NRG1: variants seen among roughly 807,000 people sequenced by gnomAD.
The protein encoded by NRG1 is neuregulin 1, also known as pro-neuregulin-1, membrane-bound isoform.
NRG1 carries 18 observed loss-of-function variants against 63.8 expected under a neutral mutation model. That is an observed-to-expected ratio of 0.28 (90% CI 0.19 to 0.42). The LOEUF is 0.42. Among genes scored for constraint, NRG1 ranks in the 10% least tolerant of loss-of-function variants. The probability of loss-of-function intolerance (pLI) is 1.00; values close to 1 mark genes in which losing one functional copy is unlikely to be tolerated. For missense variants in NRG1, 762 were observed against 814.7 expected (o/e 0.94, Z 0.79); for synonymous variants, 302 against 301.3 (o/e 1.00, Z -0.02).
At chr8:31,937,608 G>A (rs2129620573) in intron 1 of NRG1, among the ~76,000 whole-genome samples, 1 of 152,272 alleles carries the variant, frequency 6.6e-6, no homozygotes. Context: ...GATGCTCATG[G>A]TATGGGGCAA....
At chr8:32,465,651 G>A (rs1822962521) in intron 1 of NRG1, among the ~76,000 whole-genome samples, 2 of 152,244 alleles carry the variant, frequency 1.3e-5, no homozygotes, top group South Asian at 2.1e-4. Context: ...TTATACTCTC[G>A]AATCCAGCAG....
intron 1 of NRG1, among the ~76,000 whole-genome samples, chr8:31,977,644 T>A (rs890383682): frequency 1.3e-5 from 2 of 152,104 alleles, no homozygotes; most frequent in Non-Finnish European, 2.9e-5. Flanking sequence ...AAATATTTAT[T>A]GTAATTTATA....
intron 1 of NRG1, among the ~76,000 whole-genome samples, chr8:32,419,645 T>C (rs994734648): frequency 5.9e-5 from 9 of 151,728 alleles, no homozygotes; most frequent in Non-Finnish European, 1.0e-4. Context: ...AAAACCATTC[T>C]TTTTTTGTTA....
rs1457540284 is a variant in NRG1 at position 31,782,542 on chromosome 8, T to C, written c.37+143111T>C. On this transcript the variant is annotated intron_variant, in intron 1 of 10. Transcript: ENST00000519301. ...ATGCCTGACATGTAATGGAACTCAA[T>C]AAATAATTGTTGAAATAATGAATGA... 2.6e-5 allele frequency among the ~76,000 whole-genome samples: 4 copies of C among 152,328 alleles called. No individual in the cohort carries two copies. In the South Asian group the frequency reaches 8.3e-4, roughly 32 times the overall value.
chr8:31,818,786 G>A (rs1376242774), intron 1 of NRG1, among the ~76,000 whole-genome samples: 9 of 152,120 alleles, frequency 5.9e-5, no homozygotes, highest in African/African-American at 1.9e-4. Context: ...GGCTGGGCGC[G>A]GTGGCTCACG....
intron 1 of NRG1, among the ~76,000 whole-genome samples, chr8:31,889,563 T>C (rs140170362): frequency 6.6e-6 from 1 of 152,266 alleles, no homozygotes; most frequent in African/African-American, 2.4e-5. Flanking sequence ...GGGCTCTGTG[T>C]TCTGGTTGGC....
At chr8:32,672,853 C>G (rs77063903) in intron 5 of NRG1, among the ~76,000 whole-genome samples, 2,574 of 152,166 alleles carry the variant, frequency 0.017, 74 homozygotes, top group African/African-American at 0.058. Flanking sequence ...AAAAACCTGA[C>G]AAAGTACTTA....
At chr8:31,828,664 T>G (rs1824813781) in intron 1 of NRG1, among the ~76,000 whole-genome samples, 1 of 152,162 alleles carries the variant, frequency 6.6e-6, no homozygotes. Flanking sequence ...GTTGCCAAAT[T>G]TTGACCTCTC....
intron 1 of NRG1, among the ~76,000 whole-genome samples, chr8:31,798,653 T>G (rs1171460690): frequency 6.6e-6 from 1 of 152,208 alleles, no homozygotes; most frequent in Non-Finnish European, 1.5e-5. Flanking sequence ...ATGTGCAATT[T>G]AAGTGTCATA....
chr8:31,660,326 T>A (rs74492104), intron 1 of NRG1, among the ~76,000 whole-genome samples: 2,746 of 152,210 alleles, frequency 0.018, 90 homozygotes, highest in African/African-American at 0.062. Context: ...AGCCACCATA[T>A]CTCACAGGTG....
chr8:31,950,555 C>T (rs980639692), intron 1 of NRG1, among the ~76,000 whole-genome samples: 7 of 152,194 alleles, frequency 4.6e-5, no homozygotes, highest in African/African-American at 1.7e-4. Context: ...CTCCCTCTAG[C>T]CTCTCCTTAC....
At chr8:31,829,879 G>GTCA (rs1824940340) in intron 1 of NRG1, among the ~76,000 whole-genome samples, 1 of 152,192 alleles carries the variant, frequency 6.6e-6, no homozygotes. Context: ...TCAGCCATTT[G>GTCA]TCACCACCAT....
intron 1 of NRG1, among the ~76,000 whole-genome samples, chr8:32,107,291 T>C (rs1271771765): frequency 6.6e-6 from 1 of 152,170 alleles, no homozygotes; most frequent in Non-Finnish European, 1.5e-5. Context: ...TGTAGGCATA[T>C]ACAAAAATAA....
At chr8:32,626,421 C>T (rs1020356217) in intron 5 of NRG1, among the ~76,000 whole-genome samples, 16 of 151,660 alleles carry the variant, frequency 1.1e-4, no homozygotes, top group Non-Finnish European at 2.1e-4. Context: ...TGGCTCACAC[C>T]TGTAATCCCA....
chr8:32,597,017 T>C (rs1843477190), intron 2 of NRG1, among the ~76,000 whole-genome samples: 1 of 152,204 alleles, frequency 6.6e-6, no homozygotes, highest in African/African-American at 2.4e-5. Flanking sequence ...TTCATTCTTA[T>C]TTACTTCCTT....
intron 1 of NRG1, among the ~76,000 whole-genome samples, chr8:32,256,263 G>A (rs1283307592): frequency 6.6e-6 from 1 of 152,144 alleles, no homozygotes; most frequent in Non-Finnish European, 1.5e-5. Flanking sequence ...GAGGAGAAGA[G>A]GTGTTCTGGT....
Position 31,896,961 on chromosome 8 carries a change from C to T in NRG1, c.37+257530C>T, listed in dbSNP as rs531054794. ...CTCATGGGCTAACATGATGGGAACT[C>T]ATGAAGAATTTGTATGAATAAATAA... On this transcript the variant is annotated intron_variant, in intron 1 of 10. Coordinates refer to the NRG1 transcript ENST00000519301. Among the ~76,000 whole-genome samples the T allele has an allele frequency of 8.9e-4, 135 of 152,276 alleles. No homozygotes were observed. The Middle Eastern group carries it at 0.014, about 15-fold the overall frequency.
At chr8:32,379,484 A>T (rs1489446165) in intron 1 of NRG1, among the ~76,000 whole-genome samples, 1 of 152,194 alleles carries the variant, frequency 6.6e-6, no homozygotes, top group African/African-American at 2.4e-5. Context: ...GAACTAGTCT[A>T]TCAAAATATA....
chr8:32,365,728 A>G (rs896657759), intron 1 of NRG1, among the ~76,000 whole-genome samples: 5 of 152,226 alleles, frequency 3.3e-5, no homozygotes, highest in Non-Finnish European at 5.9e-5. Context: ...ACCAATGGGC[A>G]TAACTGTGAT....
Sources: allele counts gnomAD v4.1 joint callset (sites outside exome capture counted in the v4.1 genomes callset), GRCh38; gene constraint gnomAD v4.1.1; transcripts MANE v1.5; gene names NCBI Gene and HGNC (gene_info 2026-07-23, HGNC 2026-07-21).